PTPRT: variants seen among roughly 807,000 people sequenced by gnomAD.
PTPRT encodes the protein receptor-type tyrosine-protein phosphatase T.
A neutral mutation model predicts 176.8 loss-of-function variants in PTPRT; 56 were observed. The observed-to-expected ratio is 0.32, with a 90% confidence interval of 0.26 to 0.40. The LOEUF is 0.40. Among genes scored for constraint, PTPRT ranks in the 10% least tolerant of loss-of-function variants. The pLI is 1.00. For missense variants in PTPRT, 1,540 were observed against 1,908.2 expected, an observed-to-expected ratio of 0.81 and a Z score of 3.60; for synonymous variants, 783 against 739.0, an observed-to-expected ratio of 1.06 and a Z score of -0.96.
chr20:42,224,913 C>T (rs901219903), intron 15 of PTPRT, among the ~76,000 whole-genome samples: 1 of 152,162 alleles, frequency 6.6e-6, no homozygotes, highest in African/African-American at 2.4e-5. Flanking sequence ...ACAAGCCTGT[C>T]CCCCAGCCCT....
the PTPRT span, among the ~76,000 whole-genome samples, chr20:42,049,833 G>A: frequency 6.6e-6 from 1 of 152,208 alleles, no homozygotes; most frequent in African/African-American, 2.4e-5. Context: ...GGAAAGAACC[G>A]AGATGGCTCC....
chr20:42,905,263 G>T (rs912150996), intron 1 of PTPRT, among the ~76,000 whole-genome samples: 1 of 152,240 alleles, frequency 6.6e-6, no homozygotes, highest in Non-Finnish European at 1.5e-5. Flanking sequence ...AAAGGATATG[G>T]CCAGACACTT....
chr20:42,153,444 T>C (rs926775744), intron 17 of PTPRT, among the ~76,000 whole-genome samples: 6 of 152,094 alleles, frequency 3.9e-5, no homozygotes, highest in African/African-American at 1.4e-4. Flanking sequence ...TTTTGACTCT[T>C]GGTCAAAGGA....
intron 2 of PTPRT, among the ~76,000 whole-genome samples, chr20:42,879,978 A>G (rs1005627331): frequency 6.6e-6 from 1 of 152,154 alleles, no homozygotes; most frequent in African/African-American, 2.4e-5. Flanking sequence ...GGGGTCTGGA[A>G]GGACTGGGCC....
At chr20:42,377,112 C>T (rs2058658410) in intron 9 of PTPRT, among the ~76,000 whole-genome samples, 1 of 152,134 alleles carries the variant, frequency 6.6e-6, no homozygotes, top group African/African-American at 2.4e-5. Context: ...CCATTTTCAC[C>T]ACTCTGTTTC....
At chr20:42,419,771 A>G (rs1251774637) in intron 9 of PTPRT, among the ~76,000 whole-genome samples, 1 of 152,104 alleles carries the variant, frequency 6.6e-6, no homozygotes, top group Non-Finnish European at 1.5e-5. Flanking sequence ...TTATTTGAAA[A>G]TAAGGTTTTT....
At chr20:42,933,263 C>A (rs1381104205) in intron 1 of PTPRT, among the ~76,000 whole-genome samples, 1 of 152,194 alleles carries the variant, frequency 6.6e-6, no homozygotes, top group Non-Finnish European at 1.5e-5. Flanking sequence ...TTTATCCTGC[C>A]ACCTACCAAC....
Position 42,617,577 on chromosome 20 carries a change from T to C in PTPRT, c.1153+60289A>G, listed in dbSNP as rs2074106800. 1.5e-5 allele frequency among the ~76,000 whole-genome samples: 2 copies of C among 137,136 alleles called. 1 individual carries two copies. Among genetic ancestry groups the C allele is most frequent in the African/African-American group, 6.5e-5 (2 of 30,866 alleles). 90.0% of individuals were successfully genotyped at this position (137,136 alleles called of 152,430 possible). ...GTGAATCCATCTGGTCCTGGACTCT[T>C]TTTGGTTGGTAAACTATTGATTATT... On this transcript the variant is annotated intron_variant, in intron 7 of 30. Transcript: ENST00000373187.
chr20:42,201,671 G>A (rs1214259122), intron 15 of PTPRT, among the ~76,000 whole-genome samples: 5 of 150,122 alleles, frequency 3.3e-5, no homozygotes, highest in African/African-American at 4.9e-5. Context: ...CAGAAGCAGC[G>A]GCTTTCTCTT....
At chr20:42,435,053 G>C (rs978562945) in intron 9 of PTPRT, among the ~76,000 whole-genome samples, 3 of 151,878 alleles carry the variant, frequency 2.0e-5, no homozygotes, top group Non-Finnish European at 2.9e-5. Context: ...AAGAAAAAAA[G>C]CACCACCAAA....
At chr20:42,610,390 TTG>T (rs1281987758) in intron 7 of PTPRT, among the ~76,000 whole-genome samples, 19 of 151,460 alleles carry the variant, frequency 1.3e-4, no homozygotes, top group African/African-American at 3.4e-4. Context: ...TTTTTTTTTT[TTG>T]TTTTTTTTTT....
At position 43,002,199 on chromosome 20, in the gene PTPRT, C is replaced by G. The variant is rs1386204101; in HGVS notation, c.89-116267G>C. 2.0e-5 allele frequency among the ~76,000 whole-genome samples: 3 copies of G among 152,162 alleles called. No homozygotes were observed. In the South Asian group the frequency reaches 6.2e-4, roughly 32 times the overall value. On this transcript the variant is annotated intron_variant, in intron 1 of 30. Transcript: ENST00000373187. The stretch of plus-strand genomic sequence containing the variant: ...TGTAAGTTTCCCGAGGCCTCCCTAG[C>G]CATGCTTTCTGTTAAGCCTGTGGAA...
chr20:42,087,840 T>A (rs1984147822), intron 27 of PTPRT, among the ~76,000 whole-genome samples: 2 of 121,514 alleles, frequency 1.6e-5, no homozygotes, highest in East Asian at 4.9e-4. Flanking sequence ...GCCACTGTAC[T>A]CCAACCTGGG....
At chr20:42,950,800 G>A (rs1300275440) in intron 1 of PTPRT, among the ~76,000 whole-genome samples, 1 of 152,182 alleles carries the variant, frequency 6.6e-6, no homozygotes, top group African/African-American at 2.4e-5. Flanking sequence ...TAGCAGGCAA[G>A]GAAACAGAGT....
At chr20:42,442,705 C>T (rs2059327380) in intron 9 of PTPRT, among the ~76,000 whole-genome samples, 1 of 152,214 alleles carries the variant, frequency 6.6e-6, no homozygotes, top group South Asian at 2.1e-4. Flanking sequence ...TTCCCTCACA[C>T]TGTGTGATTT....
downstream of PTPRT, among the ~76,000 whole-genome samples, chr20:42,071,776 C>T (rs1205665233): frequency 6.6e-6 from 1 of 152,174 alleles, no homozygotes; most frequent in East Asian, 1.9e-4. Context: ...CTCACCTCAG[C>T]CTCCTGAGTA....
At position 42,350,320 on chromosome 20, in the gene PTPRT, C is replaced by T. The variant is rs188243386; in HGVS notation, c.1865+308G>A. 6.2e-5 allele frequency among the ~76,000 whole-genome samples: 9 copies of T among 146,302 alleles called. No homozygotes were observed. The East Asian group carries it at 1.8e-3, about 29-fold the overall frequency. ...CACAGTTCACTACACTCTTGGTCTT[C>T]CAGGCCCAAGCAATCTTTCCATATC... On this transcript the variant is annotated intron_variant, in intron 11 of 30. Transcript: ENST00000373187.
chr20:42,391,751 A>G (rs1434375215), intron 9 of PTPRT, among the ~76,000 whole-genome samples: 1 of 152,252 alleles, frequency 6.6e-6, no homozygotes, highest in East Asian at 1.9e-4. Flanking sequence ...AAACCTGATT[A>G]TGTCTTGCCC....
intron 7 of PTPRT, among the ~76,000 whole-genome samples, chr20:42,538,721 A>G (rs1459501226): frequency 1.3e-5 from 2 of 152,148 alleles, no homozygotes; most frequent in East Asian, 3.9e-4. Context: ...TATGTTGTGC[A>G]TTAGACAAAG....
Sources: gnomAD v4.1 joint callset for allele counts (sites outside exome capture counted in the v4.1 genomes callset) on GRCh38, gnomAD v4.1.1 for gene constraint, MANE v1.5 for transcripts, NCBI Gene and HGNC (gene_info 2026-07-23, HGNC 2026-07-21) for gene names.